KHDRBS2: variants seen among roughly 807,000 people sequenced by gnomAD.
The protein encoded by KHDRBS2 is KH RNA binding domain containing, signal transduction associated 2, also known as KH domain-containing, RNA-binding, signal transduction-associated protein 2.
KHDRBS2 carries 26 observed loss-of-function variants against 44.3 expected under a neutral mutation model. That is an observed-to-expected ratio of 0.59 (90% CI 0.43 to 0.81). KHDRBS2 has a LOEUF of 0.81. Among genes scored for constraint, KHDRBS2 ranks in the 40% least tolerant of loss-of-function variants. The pLI is 0.00. For synonymous variants in KHDRBS2, 194 were observed against 151.1 expected (o/e 1.28, Z -2.08); for missense variants, 476 against 433.1 (o/e 1.10, Z -0.88).
intron 4 of KHDRBS2, among the ~76,000 whole-genome samples, chr6:61,908,855 T>G (rs1355361224): frequency 2.6e-5 from 4 of 152,078 alleles, no homozygotes; most frequent in Non-Finnish European, 4.4e-5. Flanking sequence ...ACACTTCAAA[T>G]AGTAAAGAAT....
At chr6:62,189,646 T>G (rs184040212) in intron 1 of KHDRBS2, among the ~76,000 whole-genome samples, 1 of 152,112 alleles carries the variant, frequency 6.6e-6, no homozygotes, top group Non-Finnish European at 1.5e-5. Context: ...AGGTGAGATA[T>G]GATGAAGGAT....
chr6:62,087,287 A>T lies in KHDRBS2; in HGVS notation c.220-39293T>A, dbSNP rs1340881281. Among the ~76,000 whole-genome samples the T allele has an allele frequency of 4.6e-5, 7 of 152,226 alleles. No individual in the cohort carries two copies. In the South Asian group the frequency reaches 1.2e-3, roughly 27 times the overall value. On this transcript the variant is annotated intron_variant, in intron 2 of 8. Coordinates refer to ENST00000281156, the MANE Select transcript of KHDRBS2 (RefSeq NM_152688.4). ...TTTTTCACGATTCTAAACAACCTAA[A>T]AGACATTAAGAAAATTATATTGGAG...
chr6:62,243,344 T>C (rs1318001012), intron 1 of KHDRBS2, among the ~76,000 whole-genome samples: 2 of 152,144 alleles, frequency 1.3e-5, no homozygotes, highest in African/African-American at 2.4e-5. Flanking sequence ...TGCAGTTATA[T>C]GTGCTCATGG....
the KHDRBS2 span, among the ~76,000 whole-genome samples, chr6:61,546,499 A>T: frequency 6.6e-6 from 1 of 152,152 alleles, no homozygotes; most frequent in African/African-American, 2.4e-5. Flanking sequence ...TTTAAACAAG[A>T]GTTAAGTTTC....
chr6:61,719,462 T>C (rs1771995641), intron 7 of KHDRBS2, among the ~76,000 whole-genome samples: 1 of 151,756 alleles, frequency 6.6e-6, no homozygotes, highest in South Asian at 2.1e-4. Context: ...TTGAGGAGTA[T>C]GTAGAAAAAA....
chr6:61,624,046 C>T, the KHDRBS2 span, among the ~76,000 whole-genome samples: 3 of 152,110 alleles, frequency 2.0e-5, no homozygotes, highest in Non-Finnish European at 4.4e-5. Context: ...AAGTTTAGAA[C>T]ATTAAAGACA....
chr6:61,813,954 C>G (rs940682937), intron 6 of KHDRBS2: 7 of 455,054 alleles, frequency 1.5e-5, no homozygotes, highest in African/African-American at 8.0e-5. Flanking sequence ...TGATGAACAA[C>G]TCAGTCCCAC....
intron 2 of KHDRBS2, among the ~76,000 whole-genome samples, chr6:62,088,142 C>T (rs1798769622): frequency 6.6e-6 from 1 of 152,148 alleles, no homozygotes; most frequent in Non-Finnish European, 1.5e-5. Flanking sequence ...TTAGAACATG[C>T]TCCTTTTGCT....
At chr6:61,634,789 C>G in the KHDRBS2 span, among the ~76,000 whole-genome samples, 2 of 152,014 alleles carry the variant, frequency 1.3e-5, no homozygotes, top group Admixed American at 1.3e-4. Context: ...TGCCCTAGTT[C>G]AAGTAAGCAT....
intron 6 of KHDRBS2, among the ~76,000 whole-genome samples, chr6:61,875,308 C>G (rs1393178136): frequency 2.6e-5 from 4 of 151,730 alleles, no homozygotes; most frequent in Non-Finnish European, 5.9e-5. Context: ...TAGAACAGGC[C>G]GAAGCCAGGC....
Position 61,958,208 on chromosome 6 carries a change from A to T in KHDRBS2, c.483+19858T>A, listed in dbSNP as rs1284467126. Reference sequence around the variant, plus strand: ...CAGAACAATATCCCTTCTATTCTTAATTTCTTTGTGGACACAATTTCCATT... The same window carrying T: ...CAGAACAATATCCCTTCTATTCTTATTTTCTTTGTGGACACAATTTCCATT... On this transcript the variant is annotated intron_variant, in intron 4 of 8. Transcript: ENST00000281156. 2.6e-5 allele frequency among the ~76,000 whole-genome samples: 4 copies of T among 152,062 alleles called. No homozygotes were observed. The East Asian group carries it at 5.8e-4, about 22-fold the overall frequency.
intron 8 of KHDRBS2, among the ~76,000 whole-genome samples, chr6:61,685,520 G>A (rs1766721470): frequency 6.6e-6 from 1 of 151,814 alleles, no homozygotes; most frequent in Non-Finnish European, 1.5e-5. Context: ...TACAGTATAT[G>A]TCAATATTTC....
At chr6:62,211,952 T>C (rs962923992) in intron 1 of KHDRBS2, among the ~76,000 whole-genome samples, 2 of 152,186 alleles carry the variant, frequency 1.3e-5, no homozygotes, top group African/African-American at 4.8e-5. Context: ...GTAGTACATA[T>C]ACACAATGGA....
intron 7 of KHDRBS2, among the ~76,000 whole-genome samples, chr6:61,715,450 ATC>A (rs1771241853): frequency 6.6e-6 from 1 of 151,810 alleles, no homozygotes; most frequent in Non-Finnish European, 1.5e-5. Context: ...ACTTTCAAAT[ATC>A]TGATCTGCCT....
At chr6:61,931,199 A>C (rs1459047847) in intron 4 of KHDRBS2, among the ~76,000 whole-genome samples, 3 of 152,070 alleles carry the variant, frequency 2.0e-5, no homozygotes, top group Non-Finnish European at 4.4e-5. Flanking sequence ...CACTATAAGA[A>C]AATAGGGCTT....
chr6:62,098,855 T>C (rs1801231300), intron 2 of KHDRBS2, among the ~76,000 whole-genome samples: 1 of 152,184 alleles, frequency 6.6e-6, no homozygotes, highest in Non-Finnish European at 1.5e-5. Context: ...CCCCTCCATG[T>C]ATTTCAAATA....
chr6:61,864,199 G>A (rs1417111800), intron 6 of KHDRBS2, among the ~76,000 whole-genome samples: 2 of 152,152 alleles, frequency 1.3e-5, no homozygotes, highest in East Asian at 1.9e-4. Context: ...CTTGAAGACA[G>A]CATACTGACA....
At chr6:61,956,227 T>A (rs1767262865) in intron 4 of KHDRBS2, among the ~76,000 whole-genome samples, 1 of 152,042 alleles carries the variant, frequency 6.6e-6, no homozygotes, top group African/African-American at 2.4e-5. Flanking sequence ...AGACACTCTT[T>A]ATGTTCAAAG....
chr6:61,566,430 A>C, the KHDRBS2 span, among the ~76,000 whole-genome samples: 8 of 152,280 alleles, frequency 5.3e-5, no homozygotes, highest in East Asian at 1.5e-3. Context: ...TTAATGTTTA[A>C]AGTATTAGAT....
Sources: gnomAD v4.1 joint callset for allele counts (sites outside exome capture counted in the v4.1 genomes callset) on GRCh38, gnomAD v4.1.1 for gene constraint, MANE v1.5 for transcripts, NCBI Gene and HGNC (gene_info 2026-07-23, HGNC 2026-07-21) for gene names.